SRGAP3: variants seen among roughly 807,000 people sequenced by gnomAD.
The protein encoded by SRGAP3 is SLIT-ROBO Rho GTPase activating protein 3.
SRGAP3 carries 39 observed loss-of-function variants against 121.1 expected under a neutral mutation model. The observed-to-expected ratio is 0.32, with a 90% CI of 0.25 to 0.42. SRGAP3 has a LOEUF of 0.42. Among genes scored for constraint, SRGAP3 ranks in the 10% least tolerant of loss-of-function variants. SRGAP3 has a pLI of 1.00. For synonymous variants in SRGAP3, 601 were observed against 570.0 expected (o/e 1.05, Z -0.77); for missense variants, 1,213 against 1,470.6 (o/e 0.82, Z 2.86).
chr3:9,027,500 C>A (rs1432767901), intron 12 of SRGAP3, among the ~76,000 whole-genome samples: 1 of 152,152 alleles, frequency 6.6e-6, no homozygotes, highest in East Asian at 1.9e-4. Context: ...AAAAGAAGAC[C>A]AGTTCTACTC....
chr3:9,079,549 C>T (rs945698322), intron 4 of SRGAP3, among the ~76,000 whole-genome samples: 2 of 152,182 alleles, frequency 1.3e-5, no homozygotes, highest in African/African-American at 4.8e-5. Context: ...CACCCCATGA[C>T]CTCCCGTGAT....
chr3:9,056,410 A>G, intron 7 of SRGAP3, 76 bp from the exon 8 acceptor site: 2 of 1,451,966 alleles, frequency 1.4e-6, no homozygotes, highest in Non-Finnish European at 9.5e-7. Flanking sequence ...AGGGGCTACC[A>G]TTAACATCCC....
At chr3:8,999,435 C>T (rs1942615180) in intron 18 of SRGAP3, among the ~76,000 whole-genome samples, 1 of 152,220 alleles carries the variant, frequency 6.6e-6, no homozygotes, top group Non-Finnish European at 1.5e-5. Context: ...AAATCCCTCC[C>T]TCTAGCCATG....
At chr3:9,027,998 G>T in intron 12 of SRGAP3, 1 of 1,362,710 alleles carries the variant, frequency 7.3e-7, no homozygotes, top group South Asian at 1.2e-5. Flanking sequence ...ACAAGAATAT[G>T]GACCCATCAG....
In SRGAP3 at chr3:9,137,239, G is replaced by A. The variant is rs371713216; in HGVS notation, c.68-12322C>T. Among the ~76,000 whole-genome samples the A allele has an allele frequency of 3.9e-5, 6 of 152,254 alleles. No homozygotes were observed. In the East Asian group the frequency reaches 7.7e-4, roughly 20 times the overall value. Reference sequence around the variant, plus strand: ...TATACCAAGTGAGCCAGGTTTTTACGCTCTGTCTTTCGCCACCTCACGATT... The same window carrying A: ...TATACCAAGTGAGCCAGGTTTTTACACTCTGTCTTTCGCCACCTCACGATT... On this transcript the variant is annotated intron_variant, in intron 1 of 21. Coordinates refer to ENST00000383836, the MANE Select transcript of SRGAP3 (RefSeq NM_014850.4).
intron 3 of SRGAP3, among the ~76,000 whole-genome samples, chr3:9,279,759 C>G (rs950932593): frequency 6.6e-6 from 1 of 151,998 alleles, no homozygotes; most frequent in Non-Finnish European, 1.5e-5. Flanking sequence ...ATGATCCACC[C>G]GCCTCGGCCT....
Position 8,983,965 on chromosome 3 carries a change from C to G in SRGAP3, c.*1554G>C, listed in dbSNP as rs1941552929. On this transcript the variant is annotated 3_prime_UTR_variant, in exon 22 of 22. Transcript: ENST00000383836. ...GGGTCTCGCAGGAGAGGGTAAGTAA[C>G]AGCGGCCCACAGGGCACACAGATTT... is the stretch of plus-strand genomic sequence containing the variant. 4.3e-6 allele frequency: 1 copy of G among 230,140 alleles called. No individual in the cohort carries two copies. Among genetic ancestry groups the G allele is most frequent in the Non-Finnish European group, 8.6e-6 (1 of 116,206 alleles). 14.3% of individuals were successfully genotyped at this position (230,140 alleles called of 1,614,324 possible). A position where few individuals can be genotyped will look rare whatever the true frequency, so the allele number is the denominator to read the frequency against.
chr3:9,124,580 T>G (rs1470450693), intron 2 of SRGAP3, 145 bp downstream of exon 2: 9 of 989,620 alleles, frequency 9.1e-6, no homozygotes, highest in East Asian at 5.1e-5. Flanking sequence ...GGCTTGGAGG[T>G]GTAAGTAACC....
At chr3:9,282,984 T>C (rs1290231122) in intron 3 of SRGAP3, among the ~76,000 whole-genome samples, 1 of 152,062 alleles carries the variant, frequency 6.6e-6, no homozygotes, top group Non-Finnish European at 1.5e-5. Context: ...TCACTCAGGC[T>C]GGAGTGCAAT....
At chr3:8,993,330 G>A (rs1942187089) in intron 19 of SRGAP3, among the ~76,000 whole-genome samples, 1 of 152,146 alleles carries the variant, frequency 6.6e-6, no homozygotes, top group African/African-American at 2.4e-5. Flanking sequence ...GGCAGCTCCA[G>A]GCTAGGACAA....
At chr3:9,238,132 C>G (rs1230325125) in intron 1 of SRGAP3, among the ~76,000 whole-genome samples, 2 of 152,256 alleles carry the variant, frequency 1.3e-5, no homozygotes, top group South Asian at 2.1e-4. Context: ...GCCCAAAATG[C>G]CAACTGTGGG....
At chr3:9,094,596 C>A (rs188181147) in intron 3 of SRGAP3, among the ~76,000 whole-genome samples, 2 of 152,114 alleles carry the variant, frequency 1.3e-5, no homozygotes. Flanking sequence ...TTCCTGGGAA[C>A]GCATGAGGGT....
At chr3:9,324,817 C>G (rs1368579824) in intron 3 of SRGAP3, among the ~76,000 whole-genome samples, 1 of 151,636 alleles carries the variant, frequency 6.6e-6, no homozygotes, top group Non-Finnish European at 1.5e-5. Flanking sequence ...ATTAACTGGG[C>G]GAGGTGGCAG....
intron 2 of SRGAP3, among the ~76,000 whole-genome samples, chr3:9,113,509 A>T (rs557332971): frequency 4.6e-5 from 7 of 152,256 alleles, no homozygotes; most frequent in African/African-American, 7.2e-5. Flanking sequence ...GATTACTTCT[A>T]TAAAGACCCT....
chr3:9,015,015 A>G (rs1028099982), intron 15 of SRGAP3, among the ~76,000 whole-genome samples: 1 of 152,160 alleles, frequency 6.6e-6, no homozygotes, highest in African/African-American at 2.4e-5. Context: ...TTATCCACAG[A>G]AACATAATAG....
intron 1 of SRGAP3, among the ~76,000 whole-genome samples, chr3:9,199,768 T>C (rs1952017963): frequency 6.6e-6 from 1 of 152,228 alleles, no homozygotes; most frequent in Non-Finnish European, 1.5e-5. Flanking sequence ...GGGAAAGTGC[T>C]TTATAAACTA....
At chr3:9,039,518 T>C (rs1460668785) in intron 10 of SRGAP3, among the ~76,000 whole-genome samples, 1 of 152,218 alleles carries the variant, frequency 6.6e-6, no homozygotes, top group Non-Finnish European at 1.5e-5. Context: ...AATTTACCCA[T>C]TTGGAGTGTA....
At chr3:9,291,783 T>A (rs1281518166) in intron 3 of SRGAP3, among the ~76,000 whole-genome samples, 1 of 152,176 alleles carries the variant, frequency 6.6e-6, no homozygotes, top group African/African-American at 2.4e-5. Context: ...AAGATTTTCA[T>A]AAAAAATAGT....
intron 10 of SRGAP3, among the ~76,000 whole-genome samples, chr3:9,040,614 A>G (rs1046573824): frequency 1.3e-5 from 2 of 152,146 alleles, no homozygotes; most frequent in Middle Eastern, 3.4e-3. Flanking sequence ...CTCAGGCTGG[A>G]GTGCAGTGGT....
Sources: allele counts gnomAD v4.1 joint callset (sites outside exome capture counted in the v4.1 genomes callset), GRCh38; gene constraint gnomAD v4.1.1; transcripts MANE v1.5; gene names NCBI Gene and HGNC (gene_info 2026-07-23, HGNC 2026-07-21).